PYGB: variants seen among roughly 807,000 people sequenced by gnomAD.
The protein encoded by PYGB is glycogen phosphorylase, brain form.
Under a neutral mutation model 94.3 loss-of-function variants are expected in PYGB, and 82 were observed. The ratio of observed to expected loss-of-function variants is 0.87; its 90% CI spans 0.73 to 1.04. The LOEUF (loss-of-function observed/expected upper bound fraction) is 1.04. PYGB is among the 50% of genes least tolerant of loss of function. The pLI is 0.00. For missense variants in PYGB, 1,132 were observed against 1,158.2 expected (o/e 0.98, Z 0.33); for synonymous variants, 488 against 479.1 (o/e 1.02, Z -0.24).
Position 25,294,300 on chromosome 20 carries a change from C to G in PYGB, c.2312+8C>G, listed in dbSNP as rs200316874. The G allele has an allele frequency of 7.2e-7, 1 of 1,390,060 alleles. No homozygotes were observed. The highest frequency in any genetic ancestry group is 9.7e-7 in the Non-Finnish European group (1 of 1,029,370). 86.1% of individuals were successfully genotyped at this position (1,390,060 alleles called of 1,614,324 possible). On this transcript the variant is annotated splice_region_variant and intron_variant, in intron 18 of 19. Coordinates refer to ENST00000216962, the MANE Select transcript of PYGB (RefSeq NM_002862.4). ...GCTGATGCACCATGACAGGTGGGAC[C>G]GACTTCCCTGGTTGGGTGGCTGGGA...
chr20:25,256,652 G>T (rs2092903386), intron 1 of PYGB, among the ~76,000 whole-genome samples: 1 of 152,232 alleles, frequency 6.6e-6, no homozygotes, highest in South Asian at 2.1e-4. Context: ...CTGCTGAGCA[G>T]GGAGGTTAAG....
In PYGB at chr20:25,286,776, G is replaced by A. The variant is rs541700365; in HGVS notation, c.1769-1649G>A. On this transcript the variant is annotated intron_variant, in intron 14 of 19. Coordinates refer to ENST00000216962, the MANE Select transcript of PYGB (RefSeq NM_002862.4). ...GCTGTTCCCCGGGGGCTCCTTGGTGGCCCCCAGGACTGGAGCTCTCTGCCC... is the reference window on the plus strand; with the variant it reads ...GCTGTTCCCCGGGGGCTCCTTGGTGACCCCCAGGACTGGAGCTCTCTGCCC... Among the ~76,000 whole-genome samples the A allele has an allele frequency of 1.2e-4, 18 of 152,266 alleles. No homozygotes were observed. In the East Asian group the frequency reaches 3.5e-3, roughly 30 times the overall value.
Position 25,284,193 on chromosome 20 carries a change from G to C in PYGB, c.1710G>C (p.Arg570Ser), listed in dbSNP as rs2088396478. ...CCATGTTCGATGTGCATGTGAAGAG[G>C]ATCCACGAGTACAAGCGGCAGCTGC... ...PSSMFDVHVK[R>S]IHEYKRQLLN... The change falls in exon 14 of 20, where the codon AGG (arginine) becomes AGC (serine). Residue 570 changes from arginine to serine, a missense_variant. Transcript: ENST00000216962. 1 of 1,614,064 alleles carries C rather than the reference G, an allele frequency of 6.2e-7. No homozygotes were observed. The highest frequency in any genetic ancestry group is 2.2e-5 in the East Asian group (1 of 44,866).
intron 15 of PYGB, 185 bp downstream of exon 15, chr20:25,288,668 C>T: frequency 1.5e-6 from 1 of 671,610 alleles, no homozygotes. Context: ...GGATGGAAGC[C>T]TCCTGCCTGC....
chr20:25,248,345 T>G lies in PYGB; in HGVS notation c.167T>G (p.Leu56Arg). Residue 56 changes from leucine to arginine, a missense_variant, in exon 1 of 20, where the codon CTG becomes CGG. Coordinates refer to ENST00000216962, the MANE Select transcript of PYGB (RefSeq NM_002862.4). ...VATPRDYFFA[L>R]AHTVRDHLVG... ...ACGCCCCGCGACTACTTCTTCGCGCTGGCGCACACGGTGCGCGACCACCTC... is the reference window on the plus strand; with the variant it reads ...ACGCCCCGCGACTACTTCTTCGCGCGGGCGCACACGGTGCGCGACCACCTC... 1.2e-6 allele frequency: 2 copies of G among 1,602,634 alleles called. No homozygotes were observed. The highest frequency in any genetic ancestry group is 1.7e-6 in the Non-Finnish European group (2 of 1,175,376).
intron 3 of PYGB, among the ~76,000 whole-genome samples, 197 bp downstream of exon 3, chr20:25,269,404 C>T (rs1182216301): frequency 1.3e-5 from 2 of 152,170 alleles, no homozygotes; most frequent in Admixed American, 6.5e-5. Context: ...ACACAAGGGA[C>T]GTGTCATCAT....
At chr20:25,276,069 G>A (rs562439040) in intron 5 of PYGB, among the ~76,000 whole-genome samples, 1 of 152,322 alleles carries the variant, frequency 6.6e-6, no homozygotes, top group African/African-American at 2.4e-5. Flanking sequence ...CTGGATGCAG[G>A]GGAACCTGGG....
At position 25,274,511 on chromosome 20, in the gene PYGB, G is replaced by A. The variant is rs560745480; in HGVS notation, c.529-81G>A. On this transcript the variant is annotated intron_variant, in intron 4 of 19. Coordinates refer to ENST00000216962, the MANE Select transcript of PYGB (RefSeq NM_002862.4). ...TGCCAGGCACTGTGTGATCTCGACCGCACGGTCTGCTGGGTCCAGGACAGG... is the reference window on the plus strand; with the variant it reads ...TGCCAGGCACTGTGTGATCTCGACCACACGGTCTGCTGGGTCCAGGACAGG... The A allele has an allele frequency of 7.4e-5, 113 of 1,526,450 alleles. 1 individual carries two copies. In the South Asian group the frequency reaches 9.8e-4, roughly 13 times the overall value. 94.6% of individuals were successfully genotyped at this position (1,526,450 alleles called of 1,614,324 possible).
chr20:25,271,295 T>C, intron 3 of PYGB, 88 bp from the exon 4 acceptor site: 2 of 1,250,218 alleles, frequency 1.6e-6, no homozygotes, highest in South Asian at 2.4e-5. Flanking sequence ...CCCCTCTGAA[T>C]TTCTGCCTTG....
In PYGB at chr20:25,248,348, C is replaced by G. The variant is rs146966138; in HGVS notation, c.170C>G (p.Ala57Gly). Reference sequence around the variant, plus strand: ...CCCCGCGACTACTTCTTCGCGCTGGCGCACACGGTGCGCGACCACCTCGTG... The same window carrying G: ...CCCCGCGACTACTTCTTCGCGCTGGGGCACACGGTGCGCGACCACCTCGTG... ...ATPRDYFFAL[A>G]HTVRDHLVGR... Residue 57 changes from alanine (A) to glycine (G), a missense_variant, in exon 1 of 20, where the codon GCG (alanine) becomes GGG (glycine). By Grantham distance (60) the Ala-to-Gly change is moderately conservative. Coordinates refer to ENST00000216962, the MANE Select transcript of PYGB (RefSeq NM_002862.4). 6,097 of 1,601,856 alleles carry G rather than the reference C, an allele frequency of 3.8e-3. 20 individuals carry two copies. The highest frequency in any genetic ancestry group is 4.7e-3 in the Non-Finnish European group (5,513 of 1,175,076).
chr20:25,251,869 A>G (rs970273924), intron 1 of PYGB, among the ~76,000 whole-genome samples: 2 of 152,348 alleles, frequency 1.3e-5, no homozygotes, highest in African/African-American at 4.8e-5. Flanking sequence ...GCTGTCCTAA[A>G]TATTCCTAAT....
chr20:25,248,480 C>G, intron 1 of PYGB, 59 bp downstream of exon 1: 1 of 1,298,044 alleles, frequency 7.7e-7, no homozygotes. Flanking sequence ...GGTCCCGGAG[C>G]CGCGCCAGCG....
At chr20:25,258,855 G>A (rs574143376) in intron 1 of PYGB, among the ~76,000 whole-genome samples, 4 of 152,394 alleles carry the variant, frequency 2.6e-5, no homozygotes, top group East Asian at 3.9e-4. Context: ...TGTTAGAGAT[G>A]TGAAGTAACT....
intron 6 of PYGB, 115 bp downstream of exon 6, chr20:25,276,872 C>T (rs575972786): frequency 5.3e-6 from 5 of 941,256 alleles, no homozygotes; most frequent in African/African-American, 4.9e-5. Context: ...CCGCGCGGCC[C>T]TCCTCTAGGG....
intron 1 of PYGB, among the ~76,000 whole-genome samples, chr20:25,249,383 G>A (rs1337736004): frequency 6.6e-6 from 1 of 152,144 alleles, no homozygotes; most frequent in Non-Finnish European, 1.5e-5. Context: ...TTTTGTTGTT[G>A]TCGTTTGCTT....
chr20:25,282,273 G>T, intron 12 of PYGB, 126 bp downstream of exon 12: 2 of 759,284 alleles, frequency 2.6e-6, no homozygotes, highest in Non-Finnish European at 4.2e-6. Context: ...TGACCTGCAG[G>T]CTTCTGGACA....
intron 1 of PYGB, among the ~76,000 whole-genome samples, chr20:25,256,507 A>AC (rs1568682863): frequency 2.1e-5 from 3 of 144,864 alleles, no homozygotes; most frequent in Non-Finnish European, 4.5e-5. Flanking sequence ...AAAAAAAAAA[A>AC]ACAAAAACAA....
chr20:25,276,813 AC>A lies in PYGB; in HGVS notation c.772+59del, dbSNP rs2088316256. On this transcript the variant is annotated intron_variant, in intron 6 of 19. Coordinates refer to ENST00000216962, the MANE Select transcript of PYGB (RefSeq NM_002862.4). ...TCCATGTGGGTGGCTGGTCCCAGAC[AC>A]CCTCGCCCACAGCCTTTACCGCGCC... 4 of 1,488,020 alleles carry A rather than the reference AC, an allele frequency of 2.7e-6. No homozygotes were observed. In the East Asian group the frequency reaches 9.5e-5, roughly 35 times the overall value. 92.2% of individuals were successfully genotyped at this position (1,488,020 alleles called of 1,614,324 possible). A position where few individuals can be genotyped will look rare whatever the true frequency, so the allele number is the denominator to read the frequency against.
rs75200175 is a variant in PYGB at position 25,274,939 on chromosome 20, C to T, written c.660+216C>T. Among the ~76,000 whole-genome samples, 3,181 of 152,330 alleles carry T rather than the reference C, an allele frequency of 0.021. 102 individuals carry two copies. Among genetic ancestry groups the T allele is most frequent in the African/African-American group, 0.072 (2,976 of 41,566 alleles). On this transcript the variant is annotated intron_variant, in intron 5 of 19. Transcript: ENST00000216962. Reference sequence around the variant, plus strand: ...ACAGTGGAAGCGCTGAGCACAGCAGCGAGACTCCATGGGGGAAGCCCCGCT... The same window carrying T: ...ACAGTGGAAGCGCTGAGCACAGCAGTGAGACTCCATGGGGGAAGCCCCGCT...
Sources: gnomAD v4.1 joint callset for allele counts (sites outside exome capture counted in the v4.1 genomes callset) on GRCh38, gnomAD v4.1.1 for gene constraint, MANE v1.5 for transcripts, NCBI Gene and HGNC (gene_info 2026-07-23, HGNC 2026-07-21) for gene names.